Variants in ANKRD33B observed in about 807,000 individuals in gnomAD.
The protein encoded by ANKRD33B is ankyrin repeat domain-containing protein 33B.
Under a neutral mutation model 21.5 loss-of-function variants are expected in ANKRD33B, and 6 were observed. That is an observed-to-expected ratio of 0.28 (90% CI 0.15 to 0.55). The LOEUF is 0.55. Ranked by LOEUF, ANKRD33B falls within the 20% of genes least tolerant of loss-of-function variation. The pLI is 0.94. For synonymous variants in ANKRD33B, 347 were observed against 342.4 expected (o/e 1.01, Z -0.15); for missense variants, 698 against 747.2 (o/e 0.93, Z 0.77).
intron 2 of ANKRD33B, chr5:10,627,594 AGAG>A (rs1163306133): frequency 1.2e-4 from 18 of 152,234 alleles, no homozygotes; most frequent in Admixed American, 1.2e-3. Context: ...GTCCCAGTTC[AGAG>A]GAGAATTTAT....
At chr5:10,567,801 C>A (rs1209951831) in intron 1 of ANKRD33B, among the ~76,000 whole-genome samples, 3 of 152,156 alleles carry the variant, frequency 2.0e-5, no homozygotes, top group Middle Eastern at 6.3e-3. Flanking sequence ...CTCGTTGGAG[C>A]CTGGTCTCCA....
rs1579765702 is a variant in ANKRD33B at position 10,652,882 on chromosome 5, C to A, written c.*2769C>A. The A allele has an allele frequency of 4.1e-6, 1 of 243,940 alleles. No homozygotes were observed. The highest frequency in any genetic ancestry group is 8.7e-6 in the Non-Finnish European group (1 of 115,226). 15.1% of individuals were successfully genotyped at this position (243,940 alleles called of 1,614,324 possible). A position where few individuals can be genotyped will look rare whatever the true frequency, so the allele number is the denominator to read the frequency against. On this transcript the variant is annotated 3_prime_UTR_variant, in exon 4 of 4. Coordinates refer to ENST00000296657, the MANE Select transcript of ANKRD33B (RefSeq NM_001164440.2). This position sits in a 1 kb window ranked among gnomAD's most constrained non-coding sequence, Gnocchi z 4.1. ...CATTTTGAAAAGCCTGCTGAGCCAA[C>A]AAGCTTGGGGCAGGACACGGATTTC...
chr5:10,642,904 C>G (rs56687314), intron 3 of ANKRD33B, among the ~76,000 whole-genome samples: 1 of 151,662 alleles, frequency 6.6e-6, no homozygotes, highest in East Asian at 1.9e-4. Context: ...GTTTGTTTTG[C>G]TTTGTTTTGT....
chr5:10,631,808 G>A (rs1736718255), intron 2 of ANKRD33B, among the ~76,000 whole-genome samples: 2 of 152,326 alleles, frequency 1.3e-5, no homozygotes, highest in South Asian at 4.1e-4. Flanking sequence ...GTGAAGCAGA[G>A]GACATGAAAA....
intron 3 of ANKRD33B, among the ~76,000 whole-genome samples, chr5:10,644,369 G>T (rs1282871475): frequency 1.3e-5 from 2 of 152,196 alleles, no homozygotes; most frequent in African/African-American, 4.8e-5. Context: ...TATTTAAATA[G>T]GTGGCTCTGA....
chr5:10,609,825 C>A lies in ANKRD33B; in HGVS notation c.367-8508C>A, dbSNP rs531704044. Among the ~76,000 whole-genome samples, 35 of 152,256 alleles carry A rather than the reference C, an allele frequency of 2.3e-4. No individual in the cohort carries two copies. In the South Asian group the frequency reaches 6.8e-3, roughly 30 times the overall value. ...TTGGGCAGCTGAGGTGGGAGAATCG[C>A]TTGAACCCAGGAGATGGAGGCTGCC... On this transcript the variant is annotated intron_variant, in intron 1 of 3. Transcript: ENST00000296657.
intron 1 of ANKRD33B, among the ~76,000 whole-genome samples, chr5:10,573,250 C>T (rs1472664140): frequency 1.3e-5 from 2 of 152,068 alleles, no homozygotes; most frequent in African/African-American, 4.8e-5. Flanking sequence ...GGGCAGATAA[C>T]GAGGTCAGGA....
chr5:10,597,091 C>T (rs1735834756), intron 1 of ANKRD33B, among the ~76,000 whole-genome samples: 1 of 152,128 alleles, frequency 6.6e-6, no homozygotes, highest in Non-Finnish European at 1.5e-5. Flanking sequence ...CCACAACACA[C>T]TGAAGTACAC....
chr5:10,604,992 G>A (rs1174789080), intron 1 of ANKRD33B, among the ~76,000 whole-genome samples: 1 of 152,230 alleles, frequency 6.6e-6, no homozygotes, highest in Non-Finnish European at 1.5e-5. Flanking sequence ...GTGAGTTGCA[G>A]TGGGATGCTG....
At chr5:10,618,181 C>T (rs1224083469) in intron 1 of ANKRD33B, among the ~76,000 whole-genome samples, 152 bp from the exon 2 acceptor site, 1 of 152,196 alleles carries the variant, frequency 6.6e-6, no homozygotes, top group Non-Finnish European at 1.5e-5. Flanking sequence ...GGCTGGCTCA[C>T]TCTAAACCAT....
At chr5:10,613,861 G>C (rs1329984021) in intron 1 of ANKRD33B, among the ~76,000 whole-genome samples, 5 of 150,632 alleles carry the variant, frequency 3.3e-5, no homozygotes, top group African/African-American at 1.2e-4. Context: ...GATCGTGTCA[G>C]TGCCCTCCAG....
chr5:10,624,232 C>T (rs904013248), intron 2 of ANKRD33B, among the ~76,000 whole-genome samples: 15 of 150,480 alleles, frequency 1.0e-4, no homozygotes, highest in Admixed American at 6.0e-4. Context: ...CAGGTTCAAG[C>T]GATTCTCTTG....
intron 3 of ANKRD33B, among the ~76,000 whole-genome samples, chr5:10,644,340 A>G (rs775938382): frequency 2.0e-5 from 3 of 152,226 alleles, no homozygotes; most frequent in Non-Finnish European, 4.4e-5. Flanking sequence ...TGAAATATTA[A>G]TGCCCACAGT....
intron 1 of ANKRD33B, among the ~76,000 whole-genome samples, chr5:10,585,763 A>G (rs540911661): frequency 1.3e-5 from 2 of 152,326 alleles, no homozygotes; most frequent in Non-Finnish European, 2.9e-5. Flanking sequence ...GGCATAAAGC[A>G]TGGGGTCATG....
chr5:10,619,219 G>A lies in ANKRD33B; in HGVS notation c.496+757G>A, dbSNP rs925655333. 6.7e-5 allele frequency: 53 copies of A among 789,186 alleles called. No individual in the cohort carries two copies. Among genetic ancestry groups the A allele is most frequent in the South Asian group, 5.2e-4 (9 of 17,336 alleles). 48.9% of individuals were successfully genotyped at this position (789,186 alleles called of 1,614,324 possible). A position where few individuals can be genotyped will look rare whatever the true frequency, so the allele number is the denominator to read the frequency against. On this transcript the variant is annotated intron_variant, in intron 2 of 3. Coordinates refer to ENST00000296657, the MANE Select transcript of ANKRD33B (RefSeq NM_001164440.2). This position sits in a 1 kb window ranked among gnomAD's most constrained non-coding sequence, Gnocchi z 4.5. ...CTCCAAAGATTCTGTCTGTTTCATC[G>A]GTCAAGTTCTCAGTTGCAAGCAAAG...
chr5:10,646,086 G>C (rs1182314220), intron 3 of ANKRD33B, among the ~76,000 whole-genome samples: 1 of 152,200 alleles, frequency 6.6e-6, no homozygotes, highest in East Asian at 1.9e-4. Flanking sequence ...TAGACTGATC[G>C]TGATGCATTG....
chr5:10,583,335 C>T (rs1735485013), intron 1 of ANKRD33B, among the ~76,000 whole-genome samples: 1 of 152,200 alleles, frequency 6.6e-6, no homozygotes, highest in Non-Finnish European at 1.5e-5. Context: ...AAGTATCGTG[C>T]CCTGTTGCCA....
chr5:10,636,039 G>A (rs900531), intron 2 of ANKRD33B, among the ~76,000 whole-genome samples: 53,269 of 152,000 alleles, frequency 0.35, 9,447 homozygotes, highest in Non-Finnish European at 0.37. Flanking sequence ...ACCCCAGAGT[G>A]ATGTCCTTGC....
At chr5:10,595,346 T>A (rs1424953947) in intron 1 of ANKRD33B, among the ~76,000 whole-genome samples, 1 of 152,054 alleles carries the variant, frequency 6.6e-6, no homozygotes, top group East Asian at 1.9e-4. Flanking sequence ...GGGGCAGATG[T>A]CTGAAGTCCA....
Sources: gnomAD v4.1 joint callset for allele counts (sites outside exome capture counted in the v4.1 genomes callset) on GRCh38, gnomAD v4.1.1 for gene constraint, Gnocchi (gnomAD v3.1) non-coding constraint, MANE v1.5 for transcripts, NCBI Gene and HGNC (gene_info 2026-07-23, HGNC 2026-07-21) for gene names.